EIF4E3: variants seen among roughly 807,000 people sequenced by gnomAD.
EIF4E3 encodes the protein eukaryotic translation initiation factor 4E family member 3, also known as eukaryotic translation initiation factor 4E type 3.
In EIF4E3, 26 loss-of-function variants were observed where a neutral mutation model predicts 31.7. The ratio of observed to expected loss-of-function variants is 0.82; its 90% CI spans 0.60 to 1.14. The LOEUF is 1.14. Ranked by LOEUF, EIF4E3 falls within the 50% of genes most tolerant of loss-of-function variation. The probability of loss-of-function intolerance (pLI) is 0.00; values close to 1 mark genes in which losing one functional copy is unlikely to be tolerated. For synonymous variants in EIF4E3, 128 were observed against 107.7 expected (o/e 1.19, Z -1.17); for missense variants, 304 against 270.9 (o/e 1.12, Z -0.86).
At chr3:71,729,797 AAT>A (rs1491436741), upstream of EIF4E3, among the ~76,000 whole-genome samples, 1 of 52,228 alleles carries the variant, frequency 1.9e-5, no homozygotes, top group Non-Finnish European at 3.5e-5. Context: ...ATTCCAATAG[AAT>A]GTGTGTGTGT....
At chr3:71,739,955 G>A (rs2049803202) in intron 1 of EIF4E3, among the ~76,000 whole-genome samples, 1 of 152,080 alleles carries the variant, frequency 6.6e-6, no homozygotes. Flanking sequence ...TTGGGAGGGA[G>A]AAATGAGAAT....
chr3:71,673,587 A>G (rs1400812618), downstream of EIF4E3, among the ~76,000 whole-genome samples: 1 of 151,774 alleles, frequency 6.6e-6, no homozygotes, highest in Non-Finnish European at 1.5e-5. Flanking sequence ...ACATTCAAAC[A>G]TTCCTTCATT....
intron 1 of EIF4E3, among the ~76,000 whole-genome samples, chr3:71,711,180 C>T (rs1484990570): frequency 6.6e-6 from 1 of 152,212 alleles, no homozygotes; most frequent in Non-Finnish European, 1.5e-5. Flanking sequence ...TACCAAGGAC[C>T]ATTGCCTGGG....
At chr3:71,741,670 C>T (rs552385043) in intron 1 of EIF4E3, among the ~76,000 whole-genome samples, 1 of 152,278 alleles carries the variant, frequency 6.6e-6, no homozygotes, top group African/African-American at 2.4e-5. Context: ...ACCATCTTGA[C>T]CCAACTGACA....
chr3:71,671,822 G>C (rs970137170), downstream of EIF4E3, among the ~76,000 whole-genome samples: 11 of 150,852 alleles, frequency 7.3e-5, no homozygotes, highest in Admixed American at 7.2e-4. Context: ...TTTTTTGGAA[G>C]CCTTTTTGGG....
At chr3:71,720,137 T>C (rs1363603051) in intron 1 of EIF4E3, among the ~76,000 whole-genome samples, 1 of 152,136 alleles carries the variant, frequency 6.6e-6, no homozygotes, top group Non-Finnish European at 1.5e-5. Context: ...GTAGGGAATC[T>C]TTTATTGAAA....
chr3:71,729,798 A>ATGTGTG (rs3066626), upstream of EIF4E3, among the ~76,000 whole-genome samples: 15,943 of 129,540 alleles, frequency 0.12, 1,123 homozygotes, highest in South Asian at 0.19. Context: ...TTCCAATAGA[A>ATGTGTG]TGTGTGTGTG....
chr3:71,751,406 C>T (rs955428066), intron 1 of EIF4E3, among the ~76,000 whole-genome samples: 42 of 152,268 alleles, frequency 2.8e-4, no homozygotes, highest in Admixed American at 5.9e-4. Flanking sequence ...TAACACATGT[C>T]GAGAATTTAG....
chr3:71,732,035 C>G (rs1195001749), intron 1 of EIF4E3, among the ~76,000 whole-genome samples: 1 of 152,092 alleles, frequency 6.6e-6, no homozygotes, highest in South Asian at 2.1e-4. Context: ...GCATTTTCAG[C>G]TCTGCCACAA....
chr3:71,709,343 C>T (rs917895082), intron 2 of EIF4E3, among the ~76,000 whole-genome samples: 1 of 152,172 alleles, frequency 6.6e-6, no homozygotes, highest in Non-Finnish European at 1.5e-5. Context: ...GTAGAACCTG[C>T]TATTGAAGAA....
the EIF4E3 span, among the ~76,000 whole-genome samples, chr3:71,659,441 C>CTGG: frequency 6.6e-6 from 1 of 152,186 alleles, no homozygotes; most frequent in Non-Finnish European, 1.5e-5. Context: ...ATAGAACATA[C>CTGG]TGGTCTCAGC....
At position 71,709,761 on chromosome 3, in the gene EIF4E3, C is replaced by T. The variant is rs142731842; in HGVS notation, c.249+651G>A. 8.5e-5 allele frequency among the ~76,000 whole-genome samples: 13 copies of T among 152,282 alleles called. No individual in the cohort carries two copies. In the East Asian group the frequency reaches 1.5e-3, roughly 18 times the overall value. On this transcript the variant is annotated intron_variant, in intron 2 of 6. Transcript: ENST00000425534. ...AAGAACTAATAGAACTAAGAGCCTG[C>T]ATTCATTGAGAATCTGCTATGTATT...
rs995611121 is a variant in EIF4E3 at position 71,678,440 on chromosome 3, TA to T, written c.*6241del. ...AGTCTAAACATTTGCACTAAACACA[TA>T]AATCACTACCTTTTCAAGTAAGAAA... is the stretch of plus-strand genomic sequence containing the variant. On this transcript the variant is annotated 3_prime_UTR_variant, in exon 7 of 7. Coordinates refer to ENST00000425534, the MANE Select transcript of EIF4E3 (RefSeq NM_001134651.2). The T allele has an allele frequency of 6.6e-6, 1 of 152,138 alleles. No homozygotes were observed. The highest frequency in any genetic ancestry group is 1.5e-5 in the Non-Finnish European group (1 of 68,018). 9.4% of individuals were successfully genotyped at this position (152,138 alleles called of 1,614,324 possible).
chr3:71,725,449 C>CCCCG (rs2049623179), upstream of EIF4E3: 1 of 863,230 alleles, frequency 1.2e-6, no homozygotes, highest in Admixed American at 6.4e-5. This position sits in a 1 kb window ranked among gnomAD's most constrained non-coding sequence, Gnocchi z 6.1. Flanking sequence ...CCCCGCCCCG[C>CCCCG]CCCGCCCCGC....
At chr3:71,662,324 CT>C in the EIF4E3 span, among the ~76,000 whole-genome samples, 16,927 of 152,216 alleles carry the variant, frequency 0.11, 1,060 homozygotes, top group African/African-American at 0.17. Flanking sequence ...CTGGGCAAGT[CT>C]CTGCACCTTT....
At chr3:71,750,766 G>GTTT (rs34592388) in intron 1 of EIF4E3, among the ~76,000 whole-genome samples, 1 of 146,834 alleles carries the variant, frequency 6.8e-6, no homozygotes. Flanking sequence ...CAAATAATTG[G>GTTT]TTTTTTTTTT....
At chr3:71,672,405 C>G (rs1277681392), downstream of EIF4E3, among the ~76,000 whole-genome samples, 1 of 152,204 alleles carries the variant, frequency 6.6e-6, no homozygotes, top group Non-Finnish European at 1.5e-5. Flanking sequence ...TCGCCATGCA[C>G]TTGGTTGCAG....
At chr3:71,734,850 C>T (rs1036310667) in intron 1 of EIF4E3, among the ~76,000 whole-genome samples, 2 of 152,160 alleles carry the variant, frequency 1.3e-5, no homozygotes, top group African/African-American at 2.4e-5. Context: ...CTTCATTTCT[C>T]GTGCTCATTA....
chr3:71,702,211 A>T (rs866709614), intron 2 of EIF4E3, among the ~76,000 whole-genome samples: 13 of 152,340 alleles, frequency 8.5e-5, no homozygotes, highest in Middle Eastern at 3.4e-3. Context: ...AAATGCCCAT[A>T]ATTCACAAGA....
Sources: allele counts gnomAD v4.1 joint callset (sites outside exome capture counted in the v4.1 genomes callset), GRCh38; gene constraint gnomAD v4.1.1; non-coding constraint Gnocchi (gnomAD v3.1); transcripts MANE v1.5; gene names NCBI Gene and HGNC (gene_info 2026-07-23, HGNC 2026-07-21).